The following ADAMTS9 variants were observed in gnomAD, a reference collection of about 807,000 sequenced individuals.
The protein encoded by ADAMTS9 is ADAM metallopeptidase with thrombospondin type 1 motif 9.
In ADAMTS9, 107 loss-of-function variants were observed where a neutral mutation model predicts 257.1. The ratio of observed to expected loss-of-function variants is 0.42; its 90% CI spans 0.36 to 0.49. ADAMTS9 has a LOEUF of 0.49. Ranked by LOEUF, ADAMTS9 falls within the 20% of genes least tolerant of loss-of-function variation. ADAMTS9 has a pLI of 0.03. For synonymous variants in ADAMTS9, 982 were observed against 880.9 expected, an observed-to-expected ratio of 1.11 and a Z score of -2.03; for missense variants, 2,353 against 2,469.1, an observed-to-expected ratio of 0.95 and a Z score of 1.00.
chr3:64,655,736 A>G, intron 5 of ADAMTS9, 45 bp from the exon 6 acceptor site: 2 of 1,589,204 alleles, frequency 1.3e-6, no homozygotes, highest in Non-Finnish European at 1.7e-6. Context: ...TACCGATCCC[A>G]ATTAGATATG....
chr3:64,616,645 G>A (rs1041264221), intron 19 of ADAMTS9, among the ~76,000 whole-genome samples: 1 of 152,152 alleles, frequency 6.6e-6, no homozygotes, highest in Non-Finnish European at 1.5e-5. Context: ...GGGGGACACA[G>A]TAGGTATTCA....
At chr3:64,639,314 A>ATTTT (rs1559805129) in intron 12 of ADAMTS9, among the ~76,000 whole-genome samples, 10,622 of 77,184 alleles carry the variant, frequency 0.14, 605 homozygotes, top group Non-Finnish European at 0.18. Flanking sequence ...TTTTTTTTTA[A>ATTTT]AAAAAAAAAA....
chr3:64,576,554 G>A (rs550136046), intron 28 of ADAMTS9, among the ~76,000 whole-genome samples: 48 of 152,346 alleles, frequency 3.2e-4, no homozygotes, highest in South Asian at 3.1e-3. Context: ...ACTTCAGGGC[G>A]TAAAGCCAGT....
rs752852679 is a variant in ADAMTS9 at position 64,615,374 on chromosome 3, G to C, written c.3136C>G (p.Gln1046Glu). The change falls in exon 21 of 40, where the codon CAG becomes GAG. Residue 1046 changes from glutamine to glutamate, a missense_variant. Physicochemically the swap from Gln to Glu is conservative, Grantham distance 29. Transcript: ENST00000498707. ...GGACAAGGGAACTCACTGCACCTCT[G>C]AATGGTAACTTTCTCTTGATGTGTG... ...KCTHQEKVTI[Q>E]RCSEFPCPQW... 1.2e-6 allele frequency: 2 copies of C among 1,614,044 alleles called. No individual in the cohort carries two copies. Among genetic ancestry groups the C allele is most frequent in the Non-Finnish European group, 1.7e-6 (2 of 1,179,950 alleles).
In ADAMTS9 at chr3:64,568,450, C is replaced by T; in HGVS notation, c.4442G>A (p.Cys1481Tyr). ...KDGSHLESDY[C>Y]KHLAKPHGHR... Reference sequence around the variant, plus strand: ...CCCATGTGGCTTAGCCAGGTGCTTACAGTAATCACTTTCTAAATGGCTTCC... The same window carrying T: ...CCCATGTGGCTTAGCCAGGTGCTTATAGTAATCACTTTCTAAATGGCTTCC... Residue 1481 changes from cysteine to tyrosine, a missense_variant, in exon 29 of 40, where the codon TGT becomes TAT. Coordinates refer to ENST00000498707, the MANE Select transcript of ADAMTS9 (RefSeq NM_182920.2). 6.2e-7 allele frequency: 1 copy of T among 1,614,128 alleles called. No individual in the cohort carries two copies. Among genetic ancestry groups the T allele is most frequent in the Non-Finnish European group, 8.5e-7 (1 of 1,179,994 alleles).
At chr3:64,668,747 G>T (rs191521062) in intron 3 of ADAMTS9, among the ~76,000 whole-genome samples, 59 of 152,286 alleles carry the variant, frequency 3.9e-4, no homozygotes, top group Non-Finnish European at 6.6e-4. Context: ...GCCTGCCGCT[G>T]GGATCTGCCT....
chr3:64,585,434 T>TA (rs1272848315), intron 28 of ADAMTS9, among the ~76,000 whole-genome samples: 1 of 152,164 alleles, frequency 6.6e-6, no homozygotes, highest in African/African-American at 2.4e-5. Flanking sequence ...TGGGAATGAA[T>TA]AAGACAGCTT....
chr3:64,648,186 T>C (rs185725438), intron 10 of ADAMTS9, 142 bp from the exon 11 acceptor site: 5 of 736,494 alleles, frequency 6.8e-6, no homozygotes, highest in East Asian at 5.4e-5. Context: ...GTATGATAAA[T>C]GCTAAAATAT....
At chr3:64,517,627 A>T (rs922068216) in intron 39 of ADAMTS9, among the ~76,000 whole-genome samples, 1 of 151,594 alleles carries the variant, frequency 6.6e-6, no homozygotes, top group African/African-American at 2.4e-5. Flanking sequence ...TAAACAATAA[A>T]ATTTAAAAAC....
At chr3:64,546,506 G>C (rs1449661341) in intron 32 of ADAMTS9, among the ~76,000 whole-genome samples, 1 of 152,180 alleles carries the variant, frequency 6.6e-6, no homozygotes, top group Non-Finnish European at 1.5e-5. Context: ...GCCCAAGGTT[G>C]TTCACCTGGG....
intron 28 of ADAMTS9, chr3:64,568,747 G>C (rs897772608): frequency 5.1e-5 from 26 of 514,534 alleles, no homozygotes; most frequent in South Asian, 8.0e-5. Context: ...CAGCAATCCT[G>C]TGTGGCATTT....
intron 32 of ADAMTS9, among the ~76,000 whole-genome samples, chr3:64,542,191 T>C (rs1031234340): frequency 2.0e-5 from 3 of 151,092 alleles, no homozygotes; most frequent in Non-Finnish European, 2.9e-5. Flanking sequence ...CAAACATATA[T>C]ATGTATAAAA....
At chr3:64,680,321 TAGAA>T (rs1367865951) in intron 3 of ADAMTS9, among the ~76,000 whole-genome samples, 1 of 152,112 alleles carries the variant, frequency 6.6e-6, no homozygotes, top group Non-Finnish European at 1.5e-5. Flanking sequence ...AAATAAAGAA[TAGAA>T]AGAAAGATAA....
chr3:64,569,229 C>T (rs560410196), intron 28 of ADAMTS9, among the ~76,000 whole-genome samples: 11 of 152,230 alleles, frequency 7.2e-5, no homozygotes, highest in Non-Finnish European at 1.0e-4. Context: ...ATCAAAGTGC[C>T]CATGGAGTCG....
At chr3:64,585,845 G>C (rs2084134821) in intron 28 of ADAMTS9, among the ~76,000 whole-genome samples, 1 of 152,082 alleles carries the variant, frequency 6.6e-6, no homozygotes. Flanking sequence ...CTTGGTTTGA[G>C]ACAATTTTCT....
At chr3:64,631,701 G>T in intron 15 of ADAMTS9, 107 bp downstream of exon 15, 3 of 1,219,570 alleles carry the variant, frequency 2.5e-6, no homozygotes, top group Non-Finnish European at 3.6e-6. Flanking sequence ...ACCATAACGA[G>T]ACTGATTTTT....
intron 29 of ADAMTS9, among the ~76,000 whole-genome samples, chr3:64,565,163 C>A (rs1246013727): frequency 6.6e-6 from 1 of 152,172 alleles, no homozygotes; most frequent in Non-Finnish European, 1.5e-5. Flanking sequence ...CATATGGCTT[C>A]CTTAATTTCT....
At chr3:64,552,135 G>A (rs1332932884) in intron 30 of ADAMTS9, among the ~76,000 whole-genome samples, 1 of 152,210 alleles carries the variant, frequency 6.6e-6, no homozygotes, top group Non-Finnish European at 1.5e-5. Flanking sequence ...TTTTCCAGAT[G>A]AAGAAAATGG....
intron 3 of ADAMTS9, 23 bp from the exon 4 acceptor site, chr3:64,658,814 C>T (rs1701152433): frequency 1.3e-6 from 2 of 1,587,306 alleles, no homozygotes; most frequent in Middle Eastern, 1.7e-4. Flanking sequence ...AGATGGTATG[C>T]ATTACATTTC....
Sources: gnomAD v4.1 joint callset for allele counts (sites outside exome capture counted in the v4.1 genomes callset) on GRCh38, gnomAD v4.1.1 for gene constraint, MANE v1.5 for transcripts, NCBI Gene and HGNC (gene_info 2026-07-23, HGNC 2026-07-21) for gene names.